Variants in PTK7 observed in about 807,000 individuals in gnomAD.
The protein encoded by PTK7 is inactive tyrosine-protein kinase 7.
In PTK7, 39 loss-of-function variants were observed where a neutral mutation model predicts 116.6. The ratio of observed to expected loss-of-function variants is 0.33; its 90% CI spans 0.26 to 0.44. PTK7 has a LOEUF of 0.44. Among genes scored for constraint, PTK7 ranks in the 20% least tolerant of loss-of-function variants. The probability of loss-of-function intolerance (pLI) is 1.00; values close to 1 mark genes in which losing one functional copy is unlikely to be tolerated. For synonymous variants in PTK7, 546 were observed against 563.6 expected (o/e 0.97, Z 0.44); for missense variants, 1,169 against 1,425.6 (o/e 0.82, Z 2.90).
intron 17 of PTK7, among the ~76,000 whole-genome samples, chr6:43,149,844 G>A (rs1023224353): frequency 5.9e-5 from 9 of 152,148 alleles, no homozygotes; most frequent in Middle Eastern, 3.4e-3. Context: ...TGGGGGTCTC[G>A]CCATGTTGTC....
At chr6:43,107,104 GTAGAGGCGGATTTTCACCT>G in intron 1 of PTK7, among the ~76,000 whole-genome samples, 1 of 151,630 alleles carries the variant, frequency 6.6e-6, no homozygotes, top group South Asian at 2.1e-4. Flanking sequence ...TGTATTTTTA[GTAGAGGCGGATTTTCACCT>G]TGTGGGCCAG....
At position 43,157,710 on chromosome 6, in the gene PTK7, G is replaced by A. The variant is rs557371094; in HGVS notation, c.2722-1107G>A. ...AGCCTGGGCAACGTAGCTAGACACC[G>A]TCTCTACCAAAGAAATATATATATA... On this transcript the variant is annotated intron_variant, in intron 17 of 19. Coordinates refer to ENST00000230419, the MANE Select transcript of PTK7 (RefSeq NM_002821.5). 5.9e-5 allele frequency among the ~76,000 whole-genome samples: 9 copies of A among 151,910 alleles called. No homozygotes were observed. The South Asian group carries it at 1.5e-3, about 25-fold the overall frequency.
intron 1 of PTK7, among the ~76,000 whole-genome samples, chr6:43,085,713 C>T (rs1327429962): frequency 3.3e-5 from 5 of 151,754 alleles, no homozygotes; most frequent in Admixed American, 2.6e-4. Context: ...GCATGTGGAT[C>T]ACCTGAGGTC....
rs771760642 is a variant in PTK7 at position 43,076,496 on chromosome 6, C to G, written c.8C>G (p.Ala3Gly). The G allele has an allele frequency of 1.3e-6, 2 of 1,569,264 alleles. No homozygotes were observed. Among genetic ancestry groups the G allele is most frequent in the African/African-American group, 2.8e-5 (2 of 70,714 alleles). The part of the protein sequence containing the change: MG[A>G]ARGSPARPRR... ...TTTCCTGAGCCCGCCGCGATGGGAG[C>G]TGCGCGGGGATCCCCGGCCAGACCC... The change falls in exon 1 of 20, where the codon GCT becomes GGT. Residue 3 changes from alanine to glycine, a missense_variant. Physicochemically the swap from Ala to Gly is moderately conservative, Grantham distance 60. Around this residue, in one of 3 missense-constraint regions of PTK7, gnomAD observed 487 missense variants for 549.8 expected, o/e 0.89. Transcript: ENST00000230419. The surrounding 1 kb of genome is among the most constrained non-coding windows in gnomAD (Gnocchi z 5.7).
rs1361982786 is a variant in PTK7 at position 43,143,761 on chromosome 6, C to T, written c.2251+141C>T. 1 of 928,284 alleles carries T rather than the reference C, an allele frequency of 1.1e-6. No homozygotes were observed. Among genetic ancestry groups the T allele is most frequent in the Non-Finnish European group, 1.6e-6 (1 of 637,226 alleles). 57.5% of individuals were successfully genotyped at this position (928,284 alleles called of 1,614,324 possible). A position where few individuals can be genotyped will look rare whatever the true frequency, so the allele number is the denominator to read the frequency against. ...GGAGCTGGGACTGCCCCACCCCTAG[C>T]GGGAAGCCTGGAGTTGGATTCCCAG... On this transcript the variant is annotated intron_variant, in intron 14 of 19. Coordinates refer to ENST00000230419, the MANE Select transcript of PTK7 (RefSeq NM_002821.5). The surrounding 1 kb of genome is among the most constrained non-coding windows in gnomAD (Gnocchi z 4.2).
At chr6:43,128,852 A>G in intron 1 of PTK7, 125 bp from the exon 2 acceptor site, 1 of 932,624 alleles carries the variant, frequency 1.1e-6, no homozygotes, top group Non-Finnish European at 1.6e-6. Context: ...ATGATCCTTC[A>G]CACCTGCACT....
intron 1 of PTK7, 23 bp from the exon 2 acceptor site, chr6:43,128,954 C>G (rs199568110): frequency 1.6e-5 from 25 of 1,581,658 alleles, no homozygotes; most frequent in Non-Finnish European, 2.1e-5. Context: ...CTGACCCTGC[C>G]TCTCCCCTGT....
At chr6:43,142,546 T>G in intron 13 of PTK7, 2 of 613,754 alleles carry the variant, frequency 3.3e-6, no homozygotes, top group Non-Finnish European at 3.0e-6. Flanking sequence ...GGGTGTTCTC[T>G]TCCTACAATG....
At chr6:43,096,062 A>G (rs1767234019) in intron 1 of PTK7, among the ~76,000 whole-genome samples, 1 of 152,182 alleles carries the variant, frequency 6.6e-6, no homozygotes, top group Admixed American at 6.5e-5. Flanking sequence ...CAACCAAGAA[A>G]GCCTAGAGAG....
intron 1 of PTK7, among the ~76,000 whole-genome samples, chr6:43,125,811 T>C (rs926418093): frequency 1.3e-5 from 2 of 152,200 alleles, no homozygotes; most frequent in African/African-American, 4.8e-5. Context: ...CTGTGTTACT[T>C]ACCCAAGGTC....
intron 1 of PTK7, among the ~76,000 whole-genome samples, chr6:43,099,591 G>A (rs1403753876): frequency 6.6e-6 from 1 of 152,078 alleles, no homozygotes; most frequent in Non-Finnish European, 1.5e-5. Flanking sequence ...CAGGGAATGG[G>A]ATGAAAAAAT....
At chr6:43,138,359 T>C (rs1770171738) in intron 7 of PTK7, among the ~76,000 whole-genome samples, 2 of 152,184 alleles carry the variant, frequency 1.3e-5, no homozygotes, top group Non-Finnish European at 1.5e-5. Flanking sequence ...TTAATTAATG[T>C]GACAGTTAAC....
At chr6:43,100,187 T>A (rs1322588510) in intron 1 of PTK7, among the ~76,000 whole-genome samples, 1 of 152,062 alleles carries the variant, frequency 6.6e-6, no homozygotes, top group Non-Finnish European at 1.5e-5. Flanking sequence ...ATGGAGACCA[T>A]CCTGGTTAAC....
chr6:43,082,680 T>G (rs1434767268), intron 1 of PTK7, among the ~76,000 whole-genome samples: 1 of 152,234 alleles, frequency 6.6e-6, no homozygotes, highest in Non-Finnish European at 1.5e-5. Context: ...TGGGGTGATG[T>G]GTACGCTTTA....
chr6:43,139,085 G>A lies in PTK7; in HGVS notation c.1363-51G>A. 1 of 1,611,902 alleles carries A rather than the reference G, an allele frequency of 6.2e-7. No individual in the cohort carries two copies. Among genetic ancestry groups the A allele is most frequent in the Non-Finnish European group, 8.5e-7 (1 of 1,178,498 alleles). On this transcript the variant is annotated intron_variant, in intron 8 of 19. Coordinates refer to ENST00000230419, the MANE Select transcript of PTK7 (RefSeq NM_002821.5). The surrounding 1 kb of genome is among the most constrained non-coding windows in gnomAD (Gnocchi z 4.6). ...ACTCTTACCCTGGAGGCAGCCTCCA[G>A]GGAGAGGTGGGTGTGGGTTCAGGCT...
Position 43,141,716 on chromosome 6 carries a change from A to G in PTK7, c.1667A>G (p.His556Arg). 1 of 1,614,028 alleles carries G rather than the reference A, an allele frequency of 6.2e-7. No homozygotes were observed. Among genetic ancestry groups the G allele is most frequent in the South Asian group, 1.1e-5 (1 of 91,082 alleles). The change falls in exon 11 of 20, where the codon CAT (histidine) becomes CGT (arginine). Residue 556 changes from histidine to arginine, a missense_variant. Coordinates refer to ENST00000230419, the MANE Select transcript of PTK7 (RefSeq NM_002821.5). This position sits in a 1 kb window ranked among gnomAD's most constrained non-coding sequence, Gnocchi z 4.9. ...GTGACAGACAACGCTGGGACCCTGCATTTTGCCCGGGTGACTCGAGATGAC... is the reference window on the plus strand; with the variant it reads ...GTGACAGACAACGCTGGGACCCTGCGTTTTGCCCGGGTGACTCGAGATGAC... Reference protein sequence around the residue: ...EWVTDNAGTLHFARVTRDDAG... With the variant: ...EWVTDNAGTLRFARVTRDDAG...
At chr6:43,119,544 A>G (rs1028398872) in intron 1 of PTK7, among the ~76,000 whole-genome samples, 68 of 152,098 alleles carry the variant, frequency 4.5e-4, no homozygotes, top group African/African-American at 1.6e-3. Flanking sequence ...TTGGGTCCGA[A>G]CCCCTCCAGT....
chr6:43,103,773 C>T (rs917068141), intron 1 of PTK7, among the ~76,000 whole-genome samples: 3 of 152,208 alleles, frequency 2.0e-5, no homozygotes, highest in African/African-American at 7.2e-5. Flanking sequence ...AGGGGCACAG[C>T]TGTCTGGCAA....
At chr6:43,132,896 G>T in intron 7 of PTK7, 1 of 674,356 alleles carries the variant, frequency 1.5e-6, no homozygotes, top group Non-Finnish European at 2.6e-6. Flanking sequence ...AATAGTGACA[G>T]CCCTCACAGA....
Sources: gnomAD v4.1 joint callset for allele counts (sites outside exome capture counted in the v4.1 genomes callset) on GRCh38, gnomAD v4.1.1 for gene constraint, gnomAD v4.1.1 regional missense constraint, Gnocchi (gnomAD v3.1) non-coding constraint, MANE v1.5 for transcripts, NCBI Gene and HGNC (gene_info 2026-07-23, HGNC 2026-07-21) for gene names.